Variants in MTUS2 observed in about 807,000 individuals in gnomAD.
MTUS2 encodes the protein microtubule-associated tumor suppressor candidate 2.
Under a neutral mutation model 114.1 loss-of-function variants are expected in MTUS2, and 40 were observed. The observed-to-expected ratio is 0.35, with a 90% CI of 0.27 to 0.46. The LOEUF (loss-of-function observed/expected upper bound fraction) is 0.46. Among genes scored for constraint, MTUS2 ranks in the 20% least tolerant of loss-of-function variants. The pLI is 1.00. For synonymous variants in MTUS2, 688 were observed against 672.0 expected (o/e 1.02, Z -0.37); for missense variants, 1,679 against 1,705.4 (o/e 0.98, Z 0.27).
At chr13:29,190,894 G>A (rs1422987752) in intron 5 of MTUS2, among the ~76,000 whole-genome samples, 1 of 152,128 alleles carries the variant, frequency 6.6e-6, no homozygotes, top group African/African-American at 2.4e-5. Flanking sequence ...TTGGGCAACT[G>A]TGTTTTTCCC....
chr13:28,865,614 G>A (rs1170979280), intron 2 of MTUS2, among the ~76,000 whole-genome samples: 2 of 152,198 alleles, frequency 1.3e-5, no homozygotes, highest in East Asian at 3.8e-4. Flanking sequence ...ATTTTAAGCA[G>A]GGAGAAAATA....
At chr13:28,956,426 C>T (rs1883070256) in intron 2 of MTUS2, among the ~76,000 whole-genome samples, 1 of 152,132 alleles carries the variant, frequency 6.6e-6, no homozygotes, top group African/African-American at 2.4e-5. Context: ...ACCTGCTCCA[C>T]CCCCACTGGA....
intron 2 of MTUS2, among the ~76,000 whole-genome samples, chr13:28,840,189 G>A (rs998157421): frequency 6.6e-6 from 1 of 152,152 alleles, no homozygotes; most frequent in East Asian, 1.9e-4. Flanking sequence ...TTGTTAGCAT[G>A]TGTTTAGTAA....
chr13:29,300,529 A>G (rs1325641213), intron 6 of MTUS2, among the ~76,000 whole-genome samples: 1 of 152,032 alleles, frequency 6.6e-6, no homozygotes, highest in Admixed American at 6.5e-5. Flanking sequence ...GCAAATTGCT[A>G]CCATCATATG....
intron 2 of MTUS2, among the ~76,000 whole-genome samples, chr13:29,011,114 TAAG>T (rs780735526): frequency 6.6e-6 from 1 of 152,216 alleles, no homozygotes; most frequent in Non-Finnish European, 1.5e-5. Context: ...ATTTAAAAAA[TAAG>T]AAGCATGAGA....
At chr13:28,986,232 G>A (rs1385251107) in intron 2 of MTUS2, among the ~76,000 whole-genome samples, 2 of 152,082 alleles carry the variant, frequency 1.3e-5, no homozygotes, top group Non-Finnish European at 2.9e-5. Context: ...GTTGGGAGCT[G>A]TTGGGGCCTA....
intron 2 of MTUS2, among the ~76,000 whole-genome samples, chr13:28,961,652 G>A (rs1319801886): frequency 6.6e-6 from 1 of 152,066 alleles, no homozygotes; most frequent in Non-Finnish European, 1.5e-5. Context: ...CTACCACCTG[G>A]AAATTTTGTC....
At chr13:29,425,070 A>G (rs57601529) in intron 8 of MTUS2, among the ~76,000 whole-genome samples, 3,970 of 152,290 alleles carry the variant, frequency 0.026, 167 homozygotes, top group African/African-American at 0.09. Flanking sequence ...ATTTTTAGCA[A>G]TGCATACTAC....
At chr13:29,136,939 C>G (rs574195540) in intron 5 of MTUS2, among the ~76,000 whole-genome samples, 57 of 152,146 alleles carry the variant, frequency 3.7e-4, no homozygotes, top group Non-Finnish European at 6.2e-4. Flanking sequence ...ATGCTATTTC[C>G]AGGTAGACAG....
chr13:28,829,371 C>CA lies in MTUS2; in HGVS notation c.-316+8771dup, dbSNP rs932237465. Reference sequence around the variant, plus strand: ...TGAAATGCTGTCTCTCCTAAAAGTACAAAAAAAAAAATTAGCCAGGCATGG... The same window carrying CA: ...TGAAATGCTGTCTCTCCTAAAAGTACAAAAAAAAAAAATTAGCCAGGCATGG... On this transcript the variant is annotated intron_variant, in intron 1 of 15. Transcript: ENST00000612955. 2.5e-3 allele frequency among the ~76,000 whole-genome samples: 355 copies of CA among 144,112 alleles called. 1 individual carries two copies. Among genetic ancestry groups the CA allele is most frequent in the Middle Eastern group, 7.1e-3 (2 of 282 alleles). The allele number at this position is 144,112 out of a possible 152,430, so 94.5% of individuals were successfully genotyped here.
chr13:29,497,213 G>A (rs1378876369), intron 12 of MTUS2, 25 bp from the exon 13 acceptor site: 1 of 1,604,984 alleles, frequency 6.2e-7, no homozygotes, highest in Admixed American at 1.7e-5. Flanking sequence ...GGCCCCAGCT[G>A]GACTCCTTGT....
chr13:29,428,619 C>CCCCA, intron 8 of MTUS2: 1 of 477,888 alleles, frequency 2.1e-6, no homozygotes, highest in Non-Finnish European at 2.9e-6. Flanking sequence ...CTCCCTCCCG[C>CCCCA]AGCAGCAAGA....
intron 2 of MTUS2, among the ~76,000 whole-genome samples, chr13:28,859,825 C>T (rs1352542468): frequency 6.6e-6 from 1 of 152,148 alleles, no homozygotes; most frequent in East Asian, 1.9e-4. Flanking sequence ...CCAGGATCCA[C>T]AGACGGGGGT....
intron 2 of MTUS2, among the ~76,000 whole-genome samples, chr13:28,975,472 AGCATCGCCCTCCCCTGCG>A (rs1884051405): frequency 2.1e-4 from 1 of 4,700 alleles, no homozygotes; most frequent in Non-Finnish European, 4.1e-4. Flanking sequence ...CGCCTGCGGC[AGCATCGCCCTCCCCTGCG>A]GCAGCATCGC....
intron 2 of MTUS2, among the ~76,000 whole-genome samples, chr13:28,843,840 T>G (rs976354576): frequency 2.0e-5 from 3 of 152,212 alleles, no homozygotes; most frequent in Non-Finnish European, 2.9e-5. Flanking sequence ...CTTTGGAAAT[T>G]AACTGGGTAA....
At chr13:28,996,508 G>A (rs1885113613) in intron 2 of MTUS2, among the ~76,000 whole-genome samples, 1 of 152,114 alleles carries the variant, frequency 6.6e-6, no homozygotes, top group African/African-American at 2.4e-5. Flanking sequence ...GTAGAATTCG[G>A]CTGTGAATCC....
chr13:29,212,257 C>T (rs1168352683), intron 5 of MTUS2, among the ~76,000 whole-genome samples: 1 of 152,024 alleles, frequency 6.6e-6, no homozygotes, highest in East Asian at 1.9e-4. Context: ...TCTCAGGGAT[C>T]TTTCTGGTTA....
chr13:28,917,346 C>G (rs1229057766), intron 2 of MTUS2, among the ~76,000 whole-genome samples: 3 of 151,780 alleles, frequency 2.0e-5, no homozygotes, highest in Non-Finnish European at 2.9e-5. Flanking sequence ...GGCATTAGTT[C>G]TTCTTTAAAT....
chr13:29,334,899 C>G (rs1315023179), intron 7 of MTUS2, among the ~76,000 whole-genome samples: 1 of 152,144 alleles, frequency 6.6e-6, no homozygotes, highest in African/African-American at 2.4e-5. Flanking sequence ...TCTCTTAATC[C>G]TGTCATCTTC....
Sources: gnomAD v4.1 joint callset for allele counts (sites outside exome capture counted in the v4.1 genomes callset) on GRCh38, gnomAD v4.1.1 for gene constraint, MANE v1.5 for transcripts, NCBI Gene and HGNC (gene_info 2026-07-23, HGNC 2026-07-21) for gene names.